The following TRPM3 variants were observed in gnomAD, a reference collection of about 807,000 sequenced individuals.
TRPM3 encodes long transient receptor potential channel 3.
Under a neutral mutation model 181.2 loss-of-function variants are expected in TRPM3, and 77 were observed. The ratio of observed to expected loss-of-function variants is 0.42; its 90% confidence interval spans 0.35 to 0.51. The LOEUF is 0.51. TRPM3 is among the 20% of genes least tolerant of loss of function. The probability of loss-of-function intolerance (pLI) is 0.01; values close to 1 mark genes in which losing one functional copy is unlikely to be tolerated. For missense variants in TRPM3, 1,759 were observed against 2,196.7 expected (o/e 0.80, Z 3.98); for synonymous variants, 745 against 796.4 (o/e 0.94, Z 1.09).
chr9:70,774,845 T>C (rs181204984), intron 7 of TRPM3: 27 of 150,224 alleles, frequency 1.8e-4, no homozygotes, highest in Non-Finnish European at 3.3e-4. Context: ...ACAATTAGGA[T>C]AGTGCAAAAA....
upstream of TRPM3, among the ~76,000 whole-genome samples, chr9:71,123,605 T>A (rs2073859749): frequency 1.3e-5 from 2 of 152,174 alleles, no homozygotes; most frequent in Admixed American, 1.3e-4. Flanking sequence ...CATATGGTAG[T>A]AGGTAATGAA....
intron 1 of TRPM3, among the ~76,000 whole-genome samples, chr9:71,276,869 G>A (rs1218727121): frequency 6.6e-6 from 1 of 152,080 alleles, no homozygotes. Flanking sequence ...TGCTGCTTAT[G>A]ATAGCAATAA....
intron 3 of TRPM3, among the ~76,000 whole-genome samples, chr9:70,850,674 G>C (rs79244948): frequency 1.6e-4 from 24 of 152,214 alleles, no homozygotes; most frequent in African/African-American, 5.3e-4. Flanking sequence ...GTGGTTTAGC[G>C]ACTTGAATAG....
intron 1 of TRPM3, among the ~76,000 whole-genome samples, chr9:71,402,087 A>G (rs1004058733): frequency 3.3e-5 from 5 of 152,218 alleles, no homozygotes; most frequent in African/African-American, 9.6e-5. Context: ...ATGAACATTC[A>G]AACAAACTGT....
chr9:71,160,788 T>G (rs1459036521), intron 1 of TRPM3, among the ~76,000 whole-genome samples: 4 of 152,174 alleles, frequency 2.6e-5, no homozygotes, highest in African/African-American at 9.7e-5. Flanking sequence ...TTTAAACACT[T>G]GTTTATTTTC....
At chr9:70,578,240 G>T (rs890192556) in intron 22 of TRPM3, among the ~76,000 whole-genome samples, 2 of 149,132 alleles carry the variant, frequency 1.3e-5, no homozygotes, top group African/African-American at 2.5e-5. Flanking sequence ...ATTTTGCCAG[G>T]ATGTCTGAGA....
intron 6 of TRPM3, among the ~76,000 whole-genome samples, chr9:70,823,344 C>G (rs1276224627): frequency 6.6e-6 from 1 of 152,128 alleles, no homozygotes; most frequent in Non-Finnish European, 1.5e-5. Flanking sequence ...TTAGGGAGAC[C>G]CTGTAATGTC....
chr9:70,644,507 C>T (rs966503701), intron 9 of TRPM3, among the ~76,000 whole-genome samples: 3 of 152,064 alleles, frequency 2.0e-5, no homozygotes, highest in Non-Finnish European at 4.4e-5. Flanking sequence ...AAATTCAACA[C>T]CCCTTCATGC....
chr9:70,558,327 T>G (rs1278951609), intron 22 of TRPM3, among the ~76,000 whole-genome samples: 1 of 152,208 alleles, frequency 6.6e-6, no homozygotes, highest in Non-Finnish European at 1.5e-5. Context: ...TTGTAATTAG[T>G]CTTGACTGAT....
At chr9:70,901,718 A>G (rs934016112) in intron 1 of TRPM3, among the ~76,000 whole-genome samples, 1 of 152,214 alleles carries the variant, frequency 6.6e-6, no homozygotes, top group East Asian at 1.9e-4. Context: ...AATTTGAAGC[A>G]TCTGAAAGCA....
At chr9:71,388,791 C>T (rs2092990334) in intron 1 of TRPM3, among the ~76,000 whole-genome samples, 1 of 152,122 alleles carries the variant, frequency 6.6e-6, no homozygotes, top group South Asian at 2.1e-4. Context: ...GGCTTCAGTG[C>T]CCCAGGAGAG....
intron 1 of TRPM3, among the ~76,000 whole-genome samples, chr9:71,242,846 T>C (rs1188064351): frequency 6.6e-6 from 1 of 152,012 alleles, no homozygotes; most frequent in Non-Finnish European, 1.5e-5. Context: ...CGCCTCTGCT[T>C]ACAACCTTCC....
At chr9:71,444,177 C>CAA (rs34011806) in intron 1 of TRPM3, among the ~76,000 whole-genome samples, 2,613 of 112,476 alleles carry the variant, frequency 0.023, 68 homozygotes, top group Non-Finnish European at 0.028. Flanking sequence ...GAATACATCT[C>CAA]AAAAAAAAAA....
intron 18 of TRPM3, 128 bp from the exon 19 acceptor site, chr9:70,610,877 G>C: frequency 8.9e-7 from 1 of 1,128,834 alleles, no homozygotes; most frequent in Non-Finnish European, 1.3e-6. Flanking sequence ...GAGATTTAGA[G>C]GTTGTACCTT....
intron 7 of TRPM3, chr9:70,775,595 C>T (rs893526958): frequency 2.0e-5 from 3 of 152,152 alleles, no homozygotes; most frequent in African/African-American, 7.2e-5. Context: ...GGAGGAGCTC[C>T]ACAGCTGCCT....
chr9:70,938,574 C>T (rs2096852590), intron 1 of TRPM3, among the ~76,000 whole-genome samples: 1 of 152,146 alleles, frequency 6.6e-6, no homozygotes, highest in South Asian at 2.1e-4. Flanking sequence ...CAGCCCCCTT[C>T]TCGGCGTGAA....
At chr9:71,045,034 G>A (rs911069763) in intron 1 of TRPM3, among the ~76,000 whole-genome samples, 5 of 151,888 alleles carry the variant, frequency 3.3e-5, no homozygotes, top group African/African-American at 9.7e-5. Flanking sequence ...ACACTCCATC[G>A]AAGAGTCTCT....
intron 1 of TRPM3, among the ~76,000 whole-genome samples, chr9:70,945,166 G>A (rs2133606778): frequency 6.6e-6 from 1 of 152,328 alleles, no homozygotes; most frequent in Admixed American, 6.5e-5. Flanking sequence ...AGAAGGCACA[G>A]GAGATTCTAA....
At chr9:71,224,228 G>T (rs189030750) in intron 1 of TRPM3, among the ~76,000 whole-genome samples, 1 of 152,282 alleles carries the variant, frequency 6.6e-6, no homozygotes, top group African/African-American at 2.4e-5. Context: ...AGAAAGTAAG[G>T]GAAGAAAACA....
Sources: allele counts gnomAD v4.1 joint callset (sites outside exome capture counted in the v4.1 genomes callset), GRCh38; gene constraint gnomAD v4.1.1; transcripts MANE v1.5; gene names NCBI Gene and HGNC (gene_info 2026-07-23, HGNC 2026-07-21).